Variants in NHS observed in about 807,000 individuals in gnomAD.
NHS encodes the protein NHS actin remodeling regulator.
A neutral mutation model predicts 72.5 loss-of-function variants in NHS; 5 were observed. That is an observed-to-expected ratio of 0.07 (90% confidence interval 0.04 to 0.14). The LOEUF (loss-of-function observed/expected upper bound fraction) is 0.14, where lower values mean the gene tolerates loss of function less well. Among genes scored for constraint, NHS ranks in the 10% least tolerant of loss-of-function variants. NHS has a pLI of 1.00. For synonymous variants in NHS, 464 were observed against 547.7 expected (o/e 0.85, Z 2.13); for missense variants, 1,072 against 1,355.7 (o/e 0.79, Z 3.29).
intron 3 of NHS, among the ~76,000 whole-genome samples, chrX:17,695,587 G>C (rs750982006): frequency 9.0e-5 from 10 of 111,572 alleles, no homozygotes; most frequent in African/African-American, 3.3e-4. Flanking sequence ...ACTGTGTGCT[G>C]AGGTGCCTTA....
At chrX:17,514,874 G>T (rs1399405398) in intron 1 of NHS, among the ~76,000 whole-genome samples, 1 of 111,673 alleles carries the variant, frequency 9.0e-6, no homozygotes, top group South Asian at 3.8e-4. Flanking sequence ...GGATGGCTTA[G>T]AAGCAACAAA....
intron 1 of NHS, among the ~76,000 whole-genome samples, chrX:17,525,468 G>A (rs1047400809): frequency 4.5e-5 from 5 of 111,799 alleles, no homozygotes; most frequent in African/African-American, 1.6e-4. Flanking sequence ...ACTTGTGTGG[G>A]AGTTCTTTTT....
At chrX:17,674,877 C>T (rs758666310) in intron 1 of NHS, among the ~76,000 whole-genome samples, 1 of 111,875 alleles carries the variant, frequency 8.9e-6, no homozygotes, top group African/African-American at 3.3e-5. Context: ...TGGCAGAGTT[C>T]ACGAGTCAAG....
intron 1 of NHS, among the ~76,000 whole-genome samples, chrX:17,512,218 A>C (rs1310217012): frequency 2.7e-5 from 3 of 112,258 alleles, no homozygotes; most frequent in Non-Finnish European, 5.6e-5. Flanking sequence ...ATGCAATAAA[A>C]ACCACAGGGC....
chrX:17,524,395 A>G (rs1039612332), intron 1 of NHS, among the ~76,000 whole-genome samples: 8 of 112,150 alleles, frequency 7.1e-5, no homozygotes, highest in Non-Finnish European at 1.5e-4. Flanking sequence ...TCATACTTTT[A>G]TGTAACCTGT....
chrX:17,569,551 G>A (rs1424988075), intron 1 of NHS, among the ~76,000 whole-genome samples: 5 of 111,832 alleles, frequency 4.5e-5, no homozygotes, highest in Non-Finnish European at 9.4e-5. Flanking sequence ...TAAGTTCTTT[G>A]TAGATTCTGG....
intron 1 of NHS, among the ~76,000 whole-genome samples, chrX:17,573,366 T>G (rs2146976686): frequency 9.0e-6 from 1 of 110,933 alleles, no homozygotes; most frequent in South Asian, 3.8e-4. Flanking sequence ...TCTTGGAAGC[T>G]TTGTTCATTT....
chrX:17,533,718 A>G (rs950232295), intron 1 of NHS, among the ~76,000 whole-genome samples: 1 of 111,716 alleles, frequency 9.0e-6, no homozygotes, highest in Non-Finnish European at 1.9e-5. Flanking sequence ...GGTCTTGGAG[A>G]ACTGAGTTTG....
intron 1 of NHS, among the ~76,000 whole-genome samples, chrX:17,553,244 A>C (rs2065345502): frequency 8.9e-6 from 1 of 112,292 alleles, no homozygotes; most frequent in East Asian, 2.8e-4. Flanking sequence ...GGCCTGAGCC[A>C]GGACTCACAA....
intron 1 of NHS, among the ~76,000 whole-genome samples, chrX:17,600,597 A>G: frequency 8.9e-6 from 1 of 112,203 alleles, no homozygotes; most frequent in East Asian, 2.8e-4. Context: ...CTAGGAGGGA[A>G]CAGCAGCCCC....
At chrX:17,692,279 A>G in intron 2 of NHS, 56 bp from the exon 3 acceptor site, 1 of 1,200,247 alleles carries the variant, frequency 8.3e-7, no homozygotes, top group Non-Finnish European at 1.1e-6. Context: ...CAAGGGGAAA[A>G]GAGAAATTGA....
chrX:17,396,644 G>C (rs188856202), intron 1 of NHS, among the ~76,000 whole-genome samples: 58 of 111,837 alleles, frequency 5.2e-4, no homozygotes, highest in African/African-American at 1.8e-3. Context: ...TATAAACAAA[G>C]TGATGCCCAC....
At chrX:17,430,364 CTT>C (rs1429722806) in intron 1 of NHS, among the ~76,000 whole-genome samples, 2 of 78,317 alleles carry the variant, frequency 2.6e-5, no homozygotes, top group East Asian at 7.7e-4. Context: ...TTTCTTCTTT[CTT>C]TCTTTCCTTC....
chrX:17,505,627 G>GT (rs151101283), intron 1 of NHS, among the ~76,000 whole-genome samples: 7,141 of 99,299 alleles, frequency 0.072, 296 homozygotes, highest in African/African-American at 0.15. Context: ...CGGGATCAGT[G>GT]TTTTTTTTTT....
rs779924341 is a variant in NHS, at chrX:17,726,896, G to A, written c.2790G>A (p.Ser930=). 1.4e-5 allele frequency: 17 copies of A among 1,211,646 alleles called. No homozygotes were observed. The highest frequency in any genetic ancestry group is 5.9e-5 in the East Asian group (2 of 33,827). The change falls in exon 7 of 9, where the codon TCG becomes TCA. Residue 930 remains serine (S), a synonymous_variant. Coordinates refer to ENST00000676302, the MANE Select transcript of NHS (RefSeq NM_001291867.2). ...QGIKEPQLDA[S]DIPPFKDEVA... is the part of the protein sequence containing the mutation. The stretch of plus-strand genomic sequence containing the variant: ...TTAAGGAACCTCAGTTAGATGCTTC[G>A]GATATTCCACCATTCAAAGATGAAG...
At position 17,725,758 on chromosome X, in the gene NHS, G is replaced by A; in HGVS notation, c.1652G>A (p.Ser551Asn). 1 of 1,211,413 alleles carries A rather than the reference G, an allele frequency of 8.3e-7. No homozygotes were observed. The highest frequency in any genetic ancestry group is 1.1e-6 in the Non-Finnish European group (1 of 895,441). The change falls in exon 7 of 9, where the codon AGC (serine) becomes AAC (asparagine). Residue 551 changes from serine (S) to asparagine (N), a missense_variant. Physicochemically the swap from Ser to Asn is conservative, Grantham distance 46 (BLOSUM62 1). Coordinates refer to ENST00000676302, the MANE Select transcript of NHS (RefSeq NM_001291867.2). ...AATGATTTCAGTGAGGCTCCAAGCA[G>A]CCCGAGTGCCCAGGACCACCAGCCT... ...TPNDFSEAPS[S>N]PSAQDHQPTL...
rs905918772 is a variant in NHS, at chrX:17,703,834, C to T, written c.852+11366C>T. 5.4e-5 allele frequency among the ~76,000 whole-genome samples: 6 copies of T among 111,699 alleles called. 1 individual carries two copies. Among genetic ancestry groups the T allele is most frequent in the African/African-American group, 1.6e-4 (5 of 30,701 alleles). On this transcript the variant is annotated intron_variant, in intron 3 of 8. Transcript: ENST00000676302. Reference sequence around the variant, plus strand: ...GTGCACATAACATTGAGGCATAAACCATGCTGCAGAGGTGTGAATGCAGGA... The same window carrying T: ...GTGCACATAACATTGAGGCATAAACTATGCTGCAGAGGTGTGAATGCAGGA...
chrX:17,440,172 T>C, intron 1 of NHS, among the ~76,000 whole-genome samples: 1 of 105,640 alleles, frequency 9.5e-6, no homozygotes, highest in African/African-American at 3.5e-5. Context: ...GGTGGGAGAA[T>C]TGCTTGAACC....
chrX:17,685,802 T>G (rs984746475), intron 1 of NHS, among the ~76,000 whole-genome samples: 2 of 111,799 alleles, frequency 1.8e-5, no homozygotes, highest in Non-Finnish European at 3.8e-5. Context: ...AGACCATCCC[T>G]AGGGAACTGT....
Sources: gnomAD v4.1 joint callset for allele counts (sites outside exome capture counted in the v4.1 genomes callset) on GRCh38, gnomAD v4.1.1 for gene constraint, MANE v1.5 for transcripts, NCBI Gene and HGNC (gene_info 2026-07-23, HGNC 2026-07-21) for gene names.